The following RPN1 variants were observed in gnomAD, a reference collection of about 807,000 sequenced individuals.
RPN1 encodes the protein dolichyl-diphosphooligosaccharide--protein glycosyltransferase subunit 1.
Under a neutral mutation model 55.5 loss-of-function variants are expected in RPN1, and 12 were observed. The observed-to-expected ratio is 0.22, with a 90% CI of 0.14 to 0.35. The LOEUF is 0.35. Among genes scored for constraint, RPN1 ranks in the 10% least tolerant of loss-of-function variants. The pLI, the probability that RPN1 is intolerant of heterozygous loss-of-function variation, is 1.00. For synonymous variants in RPN1, 317 were observed against 305.9 expected, an observed-to-expected ratio of 1.04 and a Z score of -0.38; for missense variants, 679 against 761.3, an observed-to-expected ratio of 0.89 and a Z score of 1.27.
At chr3:128,647,547 C>G (rs2069777598) in intron 1 of RPN1, among the ~76,000 whole-genome samples, 1 of 151,888 alleles carries the variant, frequency 6.6e-6, no homozygotes, top group African/African-American at 2.4e-5. Flanking sequence ...TCTTAATTAG[C>G]CAGGCGTAGT....
chr3:128,635,411 G>A (rs983864038), intron 3 of RPN1, among the ~76,000 whole-genome samples: 6 of 150,986 alleles, frequency 4.0e-5, no homozygotes, highest in South Asian at 2.1e-4. Context: ...AGCAGTTCTC[G>A]TACCTCAACC....
At position 128,636,215 on chromosome 3, in the gene RPN1, C is replaced by G. The variant is rs1040489835; in HGVS notation, c.633+1584G>C. Among the ~76,000 whole-genome samples, 12 of 152,230 alleles carry G rather than the reference C, an allele frequency of 7.9e-5. No individual in the cohort carries two copies. The East Asian group carries it at 2.3e-3, about 29-fold the overall frequency. On this transcript the variant is annotated intron_variant, in intron 3 of 9. Coordinates refer to ENST00000296255, the MANE Select transcript of RPN1 (RefSeq NM_002950.4). ...GTGACTCACACCTGCTATCACAGCA[C>G]TTTGGGAGGCCGAGGCAGGCGGATC...
Position 128,629,423 on chromosome 3 carries a change from G to A in RPN1, c.1036+528C>T, listed in dbSNP as rs567508971. 5.3e-5 allele frequency among the ~76,000 whole-genome samples: 8 copies of A among 152,016 alleles called. No individual in the cohort carries two copies. The South Asian group carries it at 1.2e-3, about 24-fold the overall frequency. ...TAGAAATACAAAAAATTAGCTGAGC[G>A]TGGTGGCGGGCACCTATAATCCCAG... is the stretch of plus-strand genomic sequence containing the variant. On this transcript the variant is annotated intron_variant, in intron 5 of 9. Transcript: ENST00000296255.
At chr3:128,635,616 T>TATTATATATATATATATATATATAG (rs2069671854) in intron 3 of RPN1, among the ~76,000 whole-genome samples, 1 of 5,830 alleles carries the variant, frequency 1.7e-4, no homozygotes, top group South Asian at 4.2e-3. Context: ...ACTTGAGATA[T>TATTATATATATATATATATATATAG]ATATATATAT....
intron 8 of RPN1, 111 bp from the exon 9 acceptor site, chr3:128,622,520 C>G: frequency 7.2e-7 from 1 of 1,389,198 alleles, no homozygotes; most frequent in Non-Finnish European, 9.9e-7. Context: ...GAAATGCCAC[C>G]TTCTTGGAAA....
chr3:128,626,618 A>T (rs2069601716), intron 6 of RPN1, 115 bp downstream of exon 6: 1 of 855,740 alleles, frequency 1.2e-6, no homozygotes, highest in East Asian at 2.6e-5. Flanking sequence ...TGATAAAGTA[A>T]ATCTAGAGAA....
intron 2 of RPN1, among the ~76,000 whole-genome samples, chr3:128,639,046 C>T (rs190125030): frequency 8.5e-5 from 13 of 152,246 alleles, no homozygotes; most frequent in African/African-American, 2.9e-4. Context: ...AGAATATTGG[C>T]AGTCATTAGA....
At chr3:128,650,174 T>C (rs531544924) in intron 1 of RPN1, among the ~76,000 whole-genome samples, 139 of 152,340 alleles carry the variant, frequency 9.1e-4, no homozygotes, top group Admixed American at 2.2e-3. Flanking sequence ...AGGTGCGTTC[T>C]ACCGGCCCGA....
chr3:128,650,335 G>A (rs529795139), intron 1 of RPN1, among the ~76,000 whole-genome samples: 11 of 152,214 alleles, frequency 7.2e-5, no homozygotes, highest in Admixed American at 1.3e-4. Flanking sequence ...GGCGCGCACC[G>A]GGGGCAGCGG....
chr3:128,649,346 C>T (rs2069796180), intron 1 of RPN1, among the ~76,000 whole-genome samples: 2 of 152,206 alleles, frequency 1.3e-5, no homozygotes, highest in African/African-American at 4.8e-5. Context: ...CATTAAATCA[C>T]AACTGGCTTC....
intron 3 of RPN1, among the ~76,000 whole-genome samples, chr3:128,637,573 C>G (rs932989191): frequency 1.3e-4 from 20 of 152,092 alleles, no homozygotes; most frequent in Non-Finnish European, 2.5e-4. Context: ...CTCCAACACC[C>G]ATTCCACCTC....
intron 3 of RPN1, among the ~76,000 whole-genome samples, chr3:128,635,900 TATG>T (rs1335600058): frequency 6.6e-6 from 1 of 151,808 alleles, no homozygotes; most frequent in East Asian, 1.9e-4. Context: ...ACTTGTTATG[TATG>T]ATTTTGTTAC....
At chr3:128,635,612 GATATATATATATATATATATATAT>G (rs112246211) in intron 3 of RPN1, among the ~76,000 whole-genome samples, 2 of 125,724 alleles carry the variant, frequency 1.6e-5, no homozygotes, top group African/African-American at 6.2e-5. Context: ...TATAACTTGA[GATATATATATATATATATATATAT>G]ATAGATATAT....
chr3:128,637,179 A>C (rs1220083444), intron 3 of RPN1, among the ~76,000 whole-genome samples: 1 of 152,118 alleles, frequency 6.6e-6, no homozygotes, highest in Non-Finnish European at 1.5e-5. Flanking sequence ...TTGAGGTTAC[A>C]GTGAGCTATG....
intron 8 of RPN1, among the ~76,000 whole-genome samples, chr3:128,623,241 C>T (rs146738728): frequency 1.3e-4 from 20 of 151,956 alleles, no homozygotes; most frequent in African/African-American, 3.1e-4. Flanking sequence ...TCCGTCTCTA[C>T]AAAAAAATAT....
rs747341091 is a variant in RPN1 at position 128,625,544 on chromosome 3, G to A, written c.1385C>T (p.Ser462Phe). 3.7e-6 allele frequency: 6 copies of A among 1,614,070 alleles called. No individual in the cohort carries two copies. Among genetic ancestry groups the A allele is most frequent in the Non-Finnish European group, 3.4e-6 (4 of 1,180,026 alleles). The change falls in exon 8 of 10, where the codon TCC becomes TTC. Residue 462 changes from serine to phenylalanine, a missense_variant. Coordinates refer to ENST00000296255, the MANE Select transcript of RPN1 (RefSeq NM_002950.4). The stretch of plus-strand genomic sequence containing the variant: ...AGGCAGAGACGGTACCTTGGTGATG[G>A]AGAAGTCCAGCCGAACATAGATGAT... ...TVIIYVRLDF[S>F]ITKDPAAEAR...
chr3:128,640,039 G>A (rs1230792609), intron 2 of RPN1, among the ~76,000 whole-genome samples: 1 of 152,120 alleles, frequency 6.6e-6, no homozygotes, highest in East Asian at 1.9e-4. Context: ...GGGCGTGGTG[G>A]CAGGCGCCTG....
chr3:128,638,029 A>G lies in RPN1; in HGVS notation c.403T>C (p.Tyr135His), dbSNP rs1305928843. ...GGATACGGATGAAGCACATGGGTGT[A>G]GACTGTTTCCACAATGACTGAAATC... ...AKISVIVETVYTHVLHPYPTQ... is the reference protein window; with the variant it reads ...AKISVIVETVHTHVLHPYPTQ... Residue 135 changes from tyrosine (Y) to histidine (H), a missense_variant, in exon 3 of 10, where the codon TAC (tyrosine) becomes CAC (histidine). Around this residue, in one of 3 missense-constraint regions of RPN1, gnomAD observed 352 missense variants for 352.8 expected, o/e 1.00. Transcript: ENST00000296255. 1.9e-6 allele frequency: 3 copies of G among 1,614,032 alleles called. No individual in the cohort carries two copies. Among genetic ancestry groups the G allele is most frequent in the Non-Finnish European group, 2.5e-6 (3 of 1,179,996 alleles).
chr3:128,622,389 C>T lies in RPN1; in HGVS notation c.1416G>A (p.Arg472=). The part of the protein sequence containing the change: ...SITKDPAAEA[R]MKVACITEQV... ...GCTCTGTGATGCAGGCTACCTTCAT[C>T]CTGGCTTCTGCGGCTGGATCCTGAA... The change falls in exon 9 of 10, where the codon AGG becomes AGA. Residue 472 remains arginine (R), a synonymous_variant. Transcript: ENST00000296255. The T allele has an allele frequency of 6.2e-7, 1 of 1,614,210 alleles. No homozygotes were observed. Among genetic ancestry groups the T allele is most frequent in the Non-Finnish European group, 8.5e-7 (1 of 1,180,032 alleles).
Sources: allele counts gnomAD v4.1 joint callset (sites outside exome capture counted in the v4.1 genomes callset), GRCh38; gene constraint gnomAD v4.1.1; regional missense constraint gnomAD v4.1.1; transcripts MANE v1.5; gene names NCBI Gene and HGNC (gene_info 2026-07-23, HGNC 2026-07-21).